Variants in TNFRSF10B observed in about 807,000 individuals in gnomAD.
TNFRSF10B encodes TNF receptor superfamily member 10b.
TNFRSF10B carries 35 observed loss-of-function variants against 41.4 expected under a neutral mutation model. The observed-to-expected ratio is 0.85, with a 90% CI of 0.65 to 1.12. The LOEUF (loss-of-function observed/expected upper bound fraction) is 1.12, where lower values mean the gene tolerates loss of function less well. Among genes scored for constraint, TNFRSF10B ranks in the 50% most tolerant of loss-of-function variants. TNFRSF10B has a pLI of 0.00. For synonymous variants in TNFRSF10B, 230 were observed against 215.5 expected (o/e 1.07, Z -0.59); for missense variants, 584 against 552.7 (o/e 1.06, Z -0.57).
At chr8:23,029,345 C>T (rs1811808341) in intron 4 of TNFRSF10B, among the ~76,000 whole-genome samples, 1 of 152,148 alleles carries the variant, frequency 6.6e-6, no homozygotes. Flanking sequence ...ATTTCATGGG[C>T]CCCTAAAATT....
At chr8:23,047,896 T>G (rs1812409762) in intron 1 of TNFRSF10B, among the ~76,000 whole-genome samples, 2 of 152,222 alleles carry the variant, frequency 1.3e-5, no homozygotes, top group Non-Finnish European at 1.5e-5. Context: ...CAAGGAGATA[T>G]CTGCACTTCC....
Position 23,036,910 on chromosome 8 carries a change from G to A in TNFRSF10B, c.251-6038C>T, listed in dbSNP as rs528900297. 7.9e-5 allele frequency among the ~76,000 whole-genome samples: 12 copies of A among 152,312 alleles called. No homozygotes were observed. In the South Asian group the frequency reaches 2.5e-3, roughly 32 times the overall value. On this transcript the variant is annotated intron_variant, in intron 2 of 8. Coordinates refer to ENST00000276431, the MANE Select transcript of TNFRSF10B (RefSeq NM_003842.5). Reference sequence around the variant, plus strand: ...ACACCTGGTTGTTCATTTTGCTTGAGGGAAGAATGGCTAGACATGTAGTTA... The same window carrying A: ...ACACCTGGTTGTTCATTTTGCTTGAAGGAAGAATGGCTAGACATGTAGTTA...
At chr8:23,055,373 G>T (rs138741148) in intron 1 of TNFRSF10B, among the ~76,000 whole-genome samples, 147 of 152,086 alleles carry the variant, frequency 9.7e-4, no homozygotes, top group Non-Finnish European at 1.7e-3. Flanking sequence ...ATCTCCCTAC[G>T]ATTCTCATGA....
intron 3 of TNFRSF10B, 82 bp downstream of exon 3, chr8:23,030,677 T>C (rs1811854137): frequency 9.8e-7 from 1 of 1,022,006 alleles, no homozygotes. Context: ...AGAATCTAGG[T>C]CTCCTGATCC....
chr8:23,031,315 A>G (rs1032796225), intron 2 of TNFRSF10B, among the ~76,000 whole-genome samples: 1 of 152,064 alleles, frequency 6.6e-6, no homozygotes, highest in African/African-American at 2.4e-5. Flanking sequence ...TGACCTCATG[A>G]TCTGCCTGCC....
intron 1 of TNFRSF10B, among the ~76,000 whole-genome samples, chr8:23,050,842 G>A (rs1034318920): frequency 2.0e-5 from 3 of 152,150 alleles, no homozygotes; most frequent in African/African-American, 7.2e-5. Context: ...GGAAGGCCGA[G>A]GCGGGCTGAT....
intron 4 of TNFRSF10B, 138 bp from the exon 5 acceptor site, chr8:23,028,740 G>A (rs980322128): frequency 1.4e-5 from 15 of 1,074,782 alleles, no homozygotes; most frequent in African/African-American, 3.1e-5. Flanking sequence ...TCAGCAGTGG[G>A]TCCCCCTGTG....
At chr8:23,057,255 C>T (rs1299739519) in intron 1 of TNFRSF10B, among the ~76,000 whole-genome samples, 2 of 151,424 alleles carry the variant, frequency 1.3e-5, no homozygotes, top group African/African-American at 2.4e-5. Flanking sequence ...CTGTGTTAGC[C>T]AGGATGGTCT....
At chr8:23,055,521 T>TAAAAAAAAAAAAAAAAAA (rs34761330) in intron 1 of TNFRSF10B, among the ~76,000 whole-genome samples, 95 of 120,490 alleles carry the variant, frequency 7.9e-4, no homozygotes, top group African/African-American at 2.7e-3. Flanking sequence ...ATTAAATGCT[T>TAAAAAAAAAAAAAAAAAA]AAAAAAAAAA....
At chr8:23,059,359 G>A (rs1342150043) in intron 1 of TNFRSF10B, among the ~76,000 whole-genome samples, 2 of 152,164 alleles carry the variant, frequency 1.3e-5, no homozygotes, top group Non-Finnish European at 2.9e-5. Context: ...CCTAGAAGTG[G>A]GAATGATGGA....
intron 1 of TNFRSF10B, among the ~76,000 whole-genome samples, chr8:23,059,000 A>G (rs1050620151): frequency 6.6e-6 from 1 of 152,180 alleles, no homozygotes; most frequent in South Asian, 2.1e-4. Context: ...AAGTTATTTC[A>G]TCTTCCCATT....
At chr8:23,036,256 T>C (rs1812027318) in intron 2 of TNFRSF10B, among the ~76,000 whole-genome samples, 1 of 152,032 alleles carries the variant, frequency 6.6e-6, no homozygotes, top group African/African-American at 2.4e-5. Context: ...CAGCCTAAAG[T>C]TTCCATTTCC....
intron 1 of TNFRSF10B, among the ~76,000 whole-genome samples, chr8:23,068,078 C>A (rs1475845876): frequency 6.6e-6 from 1 of 152,222 alleles, no homozygotes; most frequent in Admixed American, 6.5e-5. Flanking sequence ...AGGTCAGGCC[C>A]CAAGTGCCAC....
intron 1 of TNFRSF10B, among the ~76,000 whole-genome samples, chr8:23,055,441 C>T (rs1204373981): frequency 6.6e-6 from 1 of 150,510 alleles, no homozygotes; most frequent in Non-Finnish European, 1.5e-5. Context: ...GGGATTGTAG[C>T]AGGCCAGGTT....
intron 5 of TNFRSF10B, 175 bp from the exon 6 acceptor site, chr8:23,027,928 G>A (rs1811759393): frequency 1.4e-6 from 1 of 709,344 alleles, no homozygotes; most frequent in African/African-American, 1.8e-5. Flanking sequence ...AGGGGGATGA[G>A]AAGGGGAACT....
Position 23,041,097 on chromosome 8 carries a change from C to T in TNFRSF10B, c.250+2041G>A, listed in dbSNP as rs536190858. ...TTTTTGAGACAGGGTCTCACTCTGTCACCCAGGCTGAAGTGCAATGGCGTG... is the reference window on the plus strand; with the variant it reads ...TTTTTGAGACAGGGTCTCACTCTGTTACCCAGGCTGAAGTGCAATGGCGTG... On this transcript the variant is annotated intron_variant, in intron 2 of 8. Coordinates refer to ENST00000276431, the MANE Select transcript of TNFRSF10B (RefSeq NM_003842.5). Among the ~76,000 whole-genome samples, 60 of 149,788 alleles carry T rather than the reference C, an allele frequency of 4.0e-4. 1 individual carries two copies. In the South Asian group the frequency reaches 0.012, roughly 31 times the overall value.
At chr8:23,048,265 G>A (rs1327776865) in intron 1 of TNFRSF10B, among the ~76,000 whole-genome samples, 1 of 151,944 alleles carries the variant, frequency 6.6e-6, no homozygotes, top group Non-Finnish European at 1.5e-5. Context: ...GTGAAACCCT[G>A]TTTCTATTAA....
chr8:23,040,423 T>A (rs192847011), intron 2 of TNFRSF10B, among the ~76,000 whole-genome samples: 3,726 of 33,970 alleles, frequency 0.11, 1,169 homozygotes, highest in Non-Finnish European at 0.28. Flanking sequence ...TATATATTTA[T>A]TAAATATATA....
rs1273303836 is a variant in TNFRSF10B at position 23,030,657 on chromosome 8, A to G, written c.364+102T>C. 5.9e-6 allele frequency: 5 copies of G among 848,332 alleles called. No homozygotes were observed. In the East Asian group the frequency reaches 1.1e-4, roughly 18 times the overall value. 52.6% of individuals were successfully genotyped at this position (848,332 alleles called of 1,614,324 possible). ...CATGGAACATGGTATGATGAAGACC[A>G]AGGTGGACCAGAATCTAGGTCTCCT... On this transcript the variant is annotated intron_variant, in intron 3 of 8. Transcript: ENST00000276431.
Sources: gnomAD v4.1 joint callset for allele counts (sites outside exome capture counted in the v4.1 genomes callset) on GRCh38, gnomAD v4.1.1 for gene constraint, MANE v1.5 for transcripts, NCBI Gene and HGNC (gene_info 2026-07-23, HGNC 2026-07-21) for gene names.